Variants in WDR27 observed in about 807,000 individuals in gnomAD.
The protein encoded by WDR27 is WD repeat domain 27, also known as WD repeat-containing protein 27.
A neutral mutation model predicts 114.4 loss-of-function variants in WDR27; 100 were observed. The ratio of observed to expected loss-of-function variants is 0.87; its 90% CI spans 0.74 to 1.03. The LOEUF is 1.03. Among genes scored for constraint, WDR27 ranks in the 50% least tolerant of loss-of-function variants. The pLI is 0.00. For missense variants in WDR27, 1,129 were observed against 1,092.9 expected, an observed-to-expected ratio of 1.03 and a Z score of -0.47; for synonymous variants, 449 against 423.1, an observed-to-expected ratio of 1.06 and a Z score of -0.75.
Position 169,665,563 on chromosome 6 carries a change from A to T in WDR27, c.713-7T>A. ...AAACTGAGAAGAGGATATGCTGGTGAAAGGAACATCGGAAAATTTAGCTTT... is the reference window on the plus strand; with the variant it reads ...AAACTGAGAAGAGGATATGCTGGTGTAAGGAACATCGGAAAATTTAGCTTT... On this transcript the variant is annotated splice_polypyrimidine_tract_variant and splice_region_variant and intron_variant, in intron 6 of 25. Transcript: ENST00000448612. 2 of 1,611,552 alleles carry T rather than the reference A, an allele frequency of 1.2e-6. No individual in the cohort carries two copies. The highest frequency in any genetic ancestry group is 1.7e-6 in the Non-Finnish European group (2 of 1,178,572).
intron 25 of WDR27, among the ~76,000 whole-genome samples, chr6:169,543,293 G>A (rs1295270039): frequency 6.6e-6 from 1 of 152,050 alleles, no homozygotes; most frequent in African/African-American, 2.4e-5. Context: ...CAAAGTTCTA[G>A]AGAAATGTCA....
At chr6:169,492,716 AAGAAATG>A (rs1300326043) in intron 25 of WDR27, among the ~76,000 whole-genome samples, 2 of 152,090 alleles carry the variant, frequency 1.3e-5, no homozygotes, top group African/African-American at 4.8e-5. Context: ...ACCTAGAAGG[AAGAAATG>A]AGATACAAGA....
intron 25 of WDR27, among the ~76,000 whole-genome samples, chr6:169,458,138 C>G (rs1383159611): frequency 6.6e-6 from 1 of 152,198 alleles, no homozygotes; most frequent in Non-Finnish European, 1.5e-5. Context: ...AAGACTTGAA[C>G]TATAAACTGT....
chr6:169,652,927 G>C (rs1048605877), intron 13 of WDR27, among the ~76,000 whole-genome samples: 1 of 152,166 alleles, frequency 6.6e-6, no homozygotes, highest in Non-Finnish European at 1.5e-5. Flanking sequence ...CCACTTTTAA[G>C]GAGTGATCTA....
intron 1 of WDR27, among the ~76,000 whole-genome samples, chr6:169,690,544 GC>G (rs1162369046): frequency 1.3e-5 from 2 of 151,872 alleles, no homozygotes; most frequent in Non-Finnish European, 1.5e-5. Context: ...TCCCATCCCT[GC>G]CCCCCTACCC....
the WDR27 span, among the ~76,000 whole-genome samples, chr6:169,446,081 C>T: frequency 4.6e-5 from 7 of 152,272 alleles, no homozygotes; most frequent in Non-Finnish European, 7.3e-5. Flanking sequence ...ACTTCTTGTA[C>T]GTGAGGCAGG....
chr6:169,626,256 C>T (rs770114879), intron 21 of WDR27, among the ~76,000 whole-genome samples: 1 of 152,204 alleles, frequency 6.6e-6, no homozygotes. Context: ...ACACCTGCAC[C>T]TATGCGGGTG....
intron 23 of WDR27, among the ~76,000 whole-genome samples, chr6:169,600,460 C>T (rs1034218118): frequency 2.0e-4 from 31 of 152,236 alleles, no homozygotes; most frequent in East Asian, 1.4e-3. Flanking sequence ...CAAAGCTGGA[C>T]GGAGAATGAC....
chr6:169,645,036 T>TAAAAAAAAAAAAA (rs369797685), intron 16 of WDR27, among the ~76,000 whole-genome samples: 2,780 of 76,080 alleles, frequency 0.037, 2 homozygotes, highest in Non-Finnish European at 0.058. Flanking sequence ...AAAAAAAAAA[T>TAAAAAAAAAAAAA]AAAAAAAAAA....
chr6:169,444,428 C>T, the WDR27 span, among the ~76,000 whole-genome samples: 1 of 152,212 alleles, frequency 6.6e-6, no homozygotes, highest in Admixed American at 6.5e-5. Flanking sequence ...TTCAGCAGCA[C>T]TCAACTGTGA....
Position 169,564,330 on chromosome 6 carries a change from T to C in WDR27, c.2645+8089A>G, listed in dbSNP as rs138245048. 3.3e-3 allele frequency among the ~76,000 whole-genome samples: 502 copies of C among 152,312 alleles called. 6 individuals are homozygous for C. The highest frequency in any genetic ancestry group is 0.03 in the East Asian group (153 of 5,168). ...GCTGATTAGATGGTGGCCACCCACA[T>C]TGAGGGTGGGCCTGCCTTTCCCAGC... On this transcript the variant is annotated intron_variant, in intron 25 of 25. Coordinates refer to ENST00000448612, the MANE Select transcript of WDR27 (RefSeq NM_182552.5).
intron 25 of WDR27, among the ~76,000 whole-genome samples, chr6:169,519,951 T>A (rs934678065): frequency 6.6e-6 from 1 of 152,086 alleles, no homozygotes; most frequent in South Asian, 2.1e-4. Context: ...AAAGTGAGAT[T>A]GAGGTGGACG....
intron 3 of WDR27, 103 bp downstream of exon 3, chr6:169,672,152 G>T: frequency 8.2e-7 from 1 of 1,222,402 alleles, no homozygotes; most frequent in Non-Finnish European, 1.1e-6. Flanking sequence ...CCGAGGGACT[G>T]CTGTTACCCA....
chr6:169,539,137 T>C (rs1796538472), intron 25 of WDR27, among the ~76,000 whole-genome samples: 1 of 152,202 alleles, frequency 6.6e-6, no homozygotes, highest in Non-Finnish European at 1.5e-5. Context: ...CATTTTGTAC[T>C]AACAGTGTAC....
intron 25 of WDR27, among the ~76,000 whole-genome samples, chr6:169,530,119 C>T (rs1221247056): frequency 2.0e-5 from 3 of 152,148 alleles, no homozygotes; most frequent in African/African-American, 7.2e-5. Context: ...TTTGCAGAGC[C>T]GAAAGCTCTG....
intron 24 of WDR27, among the ~76,000 whole-genome samples, chr6:169,574,486 A>G (rs2128130750): frequency 6.6e-6 from 1 of 152,330 alleles, no homozygotes; most frequent in South Asian, 2.1e-4. Flanking sequence ...GCTTTTCAAA[A>G]GTGATGTGAG....
At chr6:169,646,067 C>T (rs1446632186) in intron 16 of WDR27, among the ~76,000 whole-genome samples, 1 of 152,234 alleles carries the variant, frequency 6.6e-6, no homozygotes, top group Non-Finnish European at 1.5e-5. Context: ...ACAGAAGTCA[C>T]ATTGACCACA....
chr6:169,530,220 T>G (rs1795424381), intron 25 of WDR27, among the ~76,000 whole-genome samples: 1 of 152,108 alleles, frequency 6.6e-6, no homozygotes, highest in African/African-American at 2.4e-5. Flanking sequence ...TGGCCATAGC[T>G]CAAAAGCTAT....
intron 1 of WDR27, among the ~76,000 whole-genome samples, chr6:169,691,119 G>A (rs1365997981): frequency 6.6e-6 from 1 of 152,128 alleles, no homozygotes; most frequent in Non-Finnish European, 1.5e-5. Context: ...AGAGGCTGAG[G>A]CAGGAGAATG....
Sources: gnomAD v4.1 joint callset for allele counts (sites outside exome capture counted in the v4.1 genomes callset) on GRCh38, gnomAD v4.1.1 for gene constraint, MANE v1.5 for transcripts, NCBI Gene and HGNC (gene_info 2026-07-23, HGNC 2026-07-21) for gene names.